Variants in ANK2 observed in about 807,000 individuals in gnomAD.
ANK2 encodes ankyrin 2.
Under a neutral mutation model 360.5 loss-of-function variants are expected in ANK2, and 83 were observed. The observed-to-expected ratio is 0.23, with a 90% confidence interval of 0.19 to 0.28. The LOEUF is 0.28. Ranked by LOEUF, ANK2 falls within the 10% of genes least tolerant of loss-of-function variation. The pLI is 1.00. For synonymous variants in ANK2, 1,740 were observed against 1,759.5 expected (o/e 0.99, Z 0.28); for missense variants, 4,201 against 4,795.7 (o/e 0.88, Z 3.66).
chr4:113,200,711 C>G (rs2098816955), intron 4 of ANK2, among the ~76,000 whole-genome samples: 1 of 152,164 alleles, frequency 6.6e-6, no homozygotes, highest in Non-Finnish European at 1.5e-5. Context: ...ACCACATTTT[C>G]TTTATCCCGT....
rs138976885 is a variant in ANK2 at position 113,276,625 on chromosome 4, T to C, written c.1684-1212T>C. Reference sequence around the variant, plus strand: ...CACAAATGCTGGTTTATATGGACAATGCAAGAAGGAATAAATACTTCCTAC... The same window carrying C: ...CACAAATGCTGGTTTATATGGACAACGCAAGAAGGAATAAATACTTCCTAC... On this transcript the variant is annotated intron_variant, in intron 15 of 45. Coordinates refer to ENST00000357077, the MANE Select transcript of ANK2 (RefSeq NM_001148.6). 8.5e-5 allele frequency among the ~76,000 whole-genome samples: 13 copies of C among 152,244 alleles called. No individual in the cohort carries two copies. In the East Asian group the frequency reaches 1.9e-3, roughly 23 times the overall value.
chr4:113,088,580 A>T (rs1171100652), intron 1 of ANK2, among the ~76,000 whole-genome samples: 1 of 151,798 alleles, frequency 6.6e-6, no homozygotes, highest in East Asian at 1.9e-4. Flanking sequence ...GAGAATATTA[A>T]TTTTTTTGTT....
At chr4:112,737,280 C>T in the ANK2 span, among the ~76,000 whole-genome samples, 3 of 152,282 alleles carry the variant, frequency 2.0e-5, no homozygotes, top group Non-Finnish European at 2.9e-5. Flanking sequence ...GATTTAATAA[C>T]ATATTAGACT....
intron 1 of ANK2, among the ~76,000 whole-genome samples, chr4:112,847,825 C>G (rs1048546922): frequency 1.3e-5 from 2 of 152,198 alleles, no homozygotes; most frequent in Non-Finnish European, 2.9e-5. Flanking sequence ...TTGCTAGTAA[C>G]TAGAAGGCCC....
intron 5 of ANK2, among the ~76,000 whole-genome samples, chr4:113,236,197 G>A (rs954001245): frequency 1.3e-5 from 2 of 150,572 alleles, no homozygotes; most frequent in African/African-American, 2.4e-5. Flanking sequence ...TAATGTACTT[G>A]TCACCTTTCC....
chr4:113,370,733 C>CT (rs2096707844), intron 43 of ANK2, among the ~76,000 whole-genome samples: 1 of 152,126 alleles, frequency 6.6e-6, no homozygotes, highest in South Asian at 2.1e-4. Context: ...GCACTCCAGC[C>CT]TGGGCGACAG....
intron 2 of ANK2, among the ~76,000 whole-genome samples, chr4:113,022,496 G>A (rs926707330): frequency 3.3e-5 from 5 of 152,072 alleles, no homozygotes; most frequent in South Asian, 2.1e-4. Context: ...CATCTTAGTC[G>A]CATCCTGTAA....
At chr4:112,733,557 A>T in the ANK2 span, among the ~76,000 whole-genome samples, 2 of 152,182 alleles carry the variant, frequency 1.3e-5, no homozygotes, top group Non-Finnish European at 2.9e-5. Context: ...TGCAAATTAG[A>T]CTTCAAGCTT....
intron 4 of ANK2, among the ~76,000 whole-genome samples, chr4:113,218,626 G>A (rs942625955): frequency 6.6e-6 from 1 of 152,156 alleles, no homozygotes; most frequent in Non-Finnish European, 1.5e-5. Context: ...TAGGAAATGT[G>A]ACTTTAGATG....
chr4:113,224,788 T>G (rs2099194892), intron 4 of ANK2, among the ~76,000 whole-genome samples: 1 of 152,086 alleles, frequency 6.6e-6, no homozygotes. Context: ...AAGGCCTATC[T>G]TTAGCTGAGT....
At chr4:112,825,938 C>T (rs1367425754) in intron 1 of ANK2, among the ~76,000 whole-genome samples, 1 of 152,106 alleles carries the variant, frequency 6.6e-6, no homozygotes, top group Non-Finnish European at 1.5e-5. Flanking sequence ...GGGCACCTCT[C>T]CATGAGAGCC....
At chr4:112,834,425 T>G (rs956039356) in intron 1 of ANK2, among the ~76,000 whole-genome samples, 3 of 152,334 alleles carry the variant, frequency 2.0e-5, no homozygotes, top group Middle Eastern at 3.4e-3. Flanking sequence ...TGAAGTTAAG[T>G]GCATGCAGAT....
At chr4:112,994,160 G>A (rs1432747563) in intron 2 of ANK2, among the ~76,000 whole-genome samples, 1 of 152,168 alleles carries the variant, frequency 6.6e-6, no homozygotes, top group Non-Finnish European at 1.5e-5. Context: ...TATTAATCCC[G>A]ACTTTTTGTT....
intron 1 of ANK2, among the ~76,000 whole-genome samples, chr4:113,171,145 CT>C (rs1399646012): frequency 7.2e-5 from 11 of 152,144 alleles, no homozygotes; most frequent in African/African-American, 2.7e-4. Flanking sequence ...TTTCCTCCTA[CT>C]TATACTTGAT....
chr4:113,090,794 A>T (rs1455301338), intron 1 of ANK2, among the ~76,000 whole-genome samples: 4 of 152,198 alleles, frequency 2.6e-5, no homozygotes, highest in Non-Finnish European at 4.4e-5. Flanking sequence ...TAATGTTTTG[A>T]AGCTGAATAG....
At chr4:112,839,786 C>T (rs530451864) in intron 1 of ANK2, among the ~76,000 whole-genome samples, 1 of 152,188 alleles carries the variant, frequency 6.6e-6, no homozygotes, top group African/African-American at 2.4e-5. Context: ...CATGTCTGCT[C>T]TTTATCCTGG....
intron 2 of ANK2, chr4:113,031,395 C>T (rs974532871): frequency 1.3e-5 from 2 of 151,884 alleles, no homozygotes; most frequent in African/African-American, 2.4e-5. Flanking sequence ...GAGAGGATGC[C>T]GTGGGGACTG....
intron 18 of ANK2, among the ~76,000 whole-genome samples, chr4:113,285,576 A>G (rs555406774): frequency 1.3e-5 from 2 of 152,324 alleles, no homozygotes; most frequent in East Asian, 1.9e-4. Flanking sequence ...AGGGCAAGGT[A>G]TGAGGGAAGG....
At chr4:113,329,050 C>A (rs2091489870) in intron 26 of ANK2, among the ~76,000 whole-genome samples, 1 of 152,152 alleles carries the variant, frequency 6.6e-6, no homozygotes, top group Non-Finnish European at 1.5e-5. Context: ...TTCCTCTTCC[C>A]ATTTTGGTGT....
Sources: allele counts gnomAD v4.1 joint callset (sites outside exome capture counted in the v4.1 genomes callset), GRCh38; gene constraint gnomAD v4.1.1; transcripts MANE v1.5; gene names NCBI Gene and HGNC (gene_info 2026-07-23, HGNC 2026-07-21).